The following SH3GLB2 variants were observed in gnomAD, a reference collection of about 807,000 sequenced individuals.
The protein encoded by SH3GLB2 is SH3 domain containing GRB2 like, endophilin B2.
Under a neutral mutation model 48.0 loss-of-function variants are expected in SH3GLB2, and 24 were observed. The ratio of observed to expected loss-of-function variants is 0.50; its 90% CI spans 0.36 to 0.70. SH3GLB2 has a LOEUF of 0.70. Among genes scored for constraint, SH3GLB2 ranks in the 30% least tolerant of loss-of-function variants. SH3GLB2 has a pLI of 0.00. For missense variants in SH3GLB2, 425 were observed against 516.0 expected (o/e 0.82, Z 1.71); for synonymous variants, 227 against 207.6 (o/e 1.09, Z -0.80).
chr9:129,010,433 C>T, intron 7 of SH3GLB2: 1 of 639,366 alleles, frequency 1.6e-6, no homozygotes, highest in Non-Finnish European at 2.8e-6. Context: ...TCCTCCATCA[C>T]CCATCGGAGA....
rs75440543 is a variant in SH3GLB2 at position 129,011,021 on chromosome 9, C to T, written c.625-328G>A. 2.6e-3 allele frequency: 1,007 copies of T among 393,384 alleles called. 7 individuals carry two copies. The highest frequency in any genetic ancestry group is 0.017 in the African/African-American group (835 of 48,652). The allele number at this position is 393,384 out of a possible 1,614,324, so 24.4% of individuals were successfully genotyped here. A position where few individuals can be genotyped will look rare whatever the true frequency, so the allele number is the denominator to read the frequency against. On this transcript the variant is annotated intron_variant, in intron 6 of 10. Transcript: ENST00000372564. The surrounding 1 kb of genome is among the most constrained non-coding windows in gnomAD (Gnocchi z 4.5). ...ACCCCATCCTGACTGCTGGCTCAGG[C>T]TGCTGGGCTGGGCGGCAGAACTGTG... is the stretch of plus-strand genomic sequence containing the variant.
intron 1 of SH3GLB2, among the ~76,000 whole-genome samples, chr9:129,023,221 T>C (rs1588337287): frequency 6.6e-6 from 1 of 151,976 alleles, no homozygotes; most frequent in Non-Finnish European, 1.5e-5. Context: ...GGCCACCTGG[T>C]AGGGTAGATG....
chr9:129,022,451 GGGAGGGGGAGAGCTCAGAAGGAGGT>G, intron 1 of SH3GLB2, 28 bp from the exon 2 acceptor site: 2 of 1,605,820 alleles, frequency 1.2e-6, no homozygotes, highest in Non-Finnish European at 1.7e-6. Flanking sequence ...CCAAGGGGTG[GGGAGGGGGAGAGCTCAGAAGGAGGT>G]GGGGGAGTGG....
At chr9:129,012,169 G>T in intron 6 of SH3GLB2, 67 bp downstream of exon 6, 1 of 1,053,160 alleles carries the variant, frequency 9.5e-7, no homozygotes, top group East Asian at 3.2e-5. Context: ...TGTGCAGTCA[G>T]AGGCAGTGGT....
At chr9:129,028,002 C>T in intron 1 of SH3GLB2, 90 bp downstream of exon 1, 2 of 1,277,050 alleles carry the variant, frequency 1.6e-6, no homozygotes, top group South Asian at 1.5e-5. Flanking sequence ...CCCGGGAGGG[C>T]TTTCCCGCGT....
intron 6 of SH3GLB2, 167 bp downstream of exon 6, chr9:129,012,069 A>G: frequency 2.4e-6 from 1 of 415,794 alleles, no homozygotes; most frequent in Non-Finnish European, 4.1e-6. Flanking sequence ...CCGTGGACAG[A>G]GGTGGGGGCT....
chr9:129,015,243 TC>T (rs1222754698), intron 3 of SH3GLB2, among the ~76,000 whole-genome samples: 1 of 152,054 alleles, frequency 6.6e-6, no homozygotes. Flanking sequence ...ACACCTATAA[TC>T]CTAGCACTCT....
intron 3 of SH3GLB2, among the ~76,000 whole-genome samples, chr9:129,016,382 C>T (rs1026872115): frequency 1.4e-5 from 2 of 145,584 alleles, no homozygotes; most frequent in Non-Finnish European, 3.0e-5. Context: ...AAGATACGGC[C>T]GGGTGCGGTG....
intron 3 of SH3GLB2, chr9:129,015,868 T>TAA: frequency 6.2e-6 from 2 of 323,658 alleles, no homozygotes; most frequent in Non-Finnish European, 6.3e-6. Context: ...ATCCTGTCTT[T>TAA]AAAAAAAAGA....
chr9:129,010,486 C>G, intron 7 of SH3GLB2, 184 bp downstream of exon 7: 1 of 695,690 alleles, frequency 1.4e-6, no homozygotes, highest in Non-Finnish European at 2.5e-6. Flanking sequence ...CTGTGTGCTA[C>G]AGGGTACTGT....
chr9:129,009,961 C>T (rs1016697126), intron 8 of SH3GLB2, 90 bp from the exon 9 acceptor site: 2 of 1,417,828 alleles, frequency 1.4e-6, no homozygotes, highest in African/African-American at 2.8e-5. Flanking sequence ...CCAGACCTTG[C>T]TCCGGCATTC....
chr9:129,009,769 A>G lies in SH3GLB2; in HGVS notation c.839+2T>C. The stretch of plus-strand genomic sequence containing the variant: ...GTGGGTTCAGCAGTGCTGGCCCCGC[A>G]CCTGCCCAGCTGCTTCTGCAAGTCC... On this transcript the variant is annotated splice_donor_variant, in intron 9 of 10. Coordinates refer to ENST00000372564, the MANE Select transcript of SH3GLB2 (RefSeq NM_020145.4). LOFTEE classifies it high-confidence loss of function. 1 of 1,611,316 alleles carries G rather than the reference A, an allele frequency of 6.2e-7. No individual in the cohort carries two copies. Among genetic ancestry groups the G allele is most frequent in the African/African-American group, 1.3e-5 (1 of 75,006 alleles).
At position 129,014,948 on chromosome 9, in the gene SH3GLB2, G is replaced by A. The variant is rs768328588; in HGVS notation, c.335-44C>T. 5.0e-6 allele frequency: 8 copies of A among 1,597,672 alleles called. No homozygotes were observed. The highest frequency in any genetic ancestry group is 6.8e-6 in the Non-Finnish European group (8 of 1,171,660). ...AGCGTGAGGAAGAAGGTCAGGCTCA[G>A]GCTACTCTGATCTACAGGAGAGGGC... On this transcript the variant is annotated intron_variant, in intron 3 of 10. Transcript: ENST00000372564. This position sits in a 1 kb window ranked among gnomAD's most constrained non-coding sequence, Gnocchi z 4.1.
At chr9:129,021,294 C>CAGAAA in intron 2 of SH3GLB2, 75 bp from the exon 3 acceptor site, 1 of 1,469,734 alleles carries the variant, frequency 6.8e-7, no homozygotes, top group Non-Finnish European at 9.0e-7. Context: ...CAGACCCAGA[C>CAGAAA]CCGGCCCTGC....
At chr9:129,010,857 G>C in intron 6 of SH3GLB2, 164 bp from the exon 7 acceptor site, 1 of 799,836 alleles carries the variant, frequency 1.3e-6, no homozygotes, top group South Asian at 1.8e-5. Context: ...CCCGGCATGG[G>C]AGCTGGGGGC....
chr9:129,013,313 G>C, intron 5 of SH3GLB2: 1 of 491,808 alleles, frequency 2.0e-6, no homozygotes, highest in Non-Finnish European at 3.7e-6. Flanking sequence ...AGGCCCACCA[G>C]GTGAGGGAGA....
At chr9:129,012,948 G>A (rs1001524172) in intron 5 of SH3GLB2, 97 of 1,549,528 alleles carry the variant, frequency 6.3e-5, no homozygotes, top group Admixed American at 3.7e-4. Context: ...TGGCACCGTG[G>A]GTCCACGGGC....
At chr9:129,022,747 GCC>G in intron 1 of SH3GLB2, among the ~76,000 whole-genome samples, 1 of 152,192 alleles carries the variant, frequency 6.6e-6, no homozygotes, top group Non-Finnish European at 1.5e-5. Context: ...CCCTGGGGAG[GCC>G]AGCCCTAGGG....
At chr9:129,009,895 G>A (rs769261279) in intron 8 of SH3GLB2, 24 bp from the exon 9 acceptor site, 22 of 1,601,782 alleles carry the variant, frequency 1.4e-5, no homozygotes, top group Non-Finnish European at 1.9e-5. Flanking sequence ...GCCAGAGGCT[G>A]ACTTCTAACC....
Sources: allele counts gnomAD v4.1 joint callset (sites outside exome capture counted in the v4.1 genomes callset), GRCh38; gene constraint gnomAD v4.1.1; non-coding constraint Gnocchi (gnomAD v3.1); transcripts MANE v1.5; gene names NCBI Gene and HGNC (gene_info 2026-07-23, HGNC 2026-07-21).